The following ACAD10 variants were observed in gnomAD, a reference collection of about 807,000 sequenced individuals.
The protein encoded by ACAD10 is ACAD-10.
A neutral mutation model predicts 116.8 loss-of-function variants in ACAD10; 112 were observed. The ratio of observed to expected loss-of-function variants is 0.96; its 90% CI spans 0.82 to 1.12. The LOEUF (loss-of-function observed/expected upper bound fraction) is 1.12. Among genes scored for constraint, ACAD10 ranks in the 50% most tolerant of loss-of-function variants. The pLI is 0.00. For synonymous variants in ACAD10, 486 were observed against 510.6 expected, an observed-to-expected ratio of 0.95 and a Z score of 0.65; for missense variants, 1,259 against 1,350.2, an observed-to-expected ratio of 0.93 and a Z score of 1.06.
At chr12:111,745,107 G>T in intron 13 of ACAD10, 64 bp downstream of exon 13, 1 of 1,521,106 alleles carries the variant, frequency 6.6e-7, no homozygotes. Context: ...CGACCCCACC[G>T]GGCTCACCTG....
intron 13 of ACAD10, 31 bp downstream of exon 13, chr12:111,745,074 C>A: frequency 6.3e-7 from 1 of 1,592,932 alleles, no homozygotes; most frequent in South Asian, 1.1e-5. Context: ...TGGTAAGACC[C>A]CAATACCATG....
At chr12:111,709,255 G>A (rs1173636625) in intron 4 of ACAD10, among the ~76,000 whole-genome samples, 13 of 152,048 alleles carry the variant, frequency 8.5e-5, no homozygotes, top group Non-Finnish European at 1.5e-5. Context: ...TGGCACTGAG[G>A]CCCATTATGG....
intron 3 of ACAD10, 64 bp from the exon 4 acceptor site, chr12:111,705,674 G>C (rs1404409148): frequency 6.0e-5 from 86 of 1,435,294 alleles, no homozygotes; most frequent in Non-Finnish European, 7.7e-5. Context: ...TTTTTTTTCT[G>C]TTGGCCATGA....
chr12:111,692,376 G>A (rs1227164104), intron 1 of ACAD10, among the ~76,000 whole-genome samples: 3 of 152,222 alleles, frequency 2.0e-5, no homozygotes, highest in Non-Finnish European at 1.5e-5. Flanking sequence ...CAAGATGGTG[G>A]CAGTGAGAAT....
At chr12:111,737,066 C>T in intron 12 of ACAD10, 62 bp downstream of exon 12, 3 of 1,547,880 alleles carry the variant, frequency 1.9e-6, no homozygotes, top group Non-Finnish European at 1.8e-6. Context: ...ACCGTGCCTC[C>T]ACCTGGAAAC....
At chr12:111,693,412 C>T (rs902908340) in intron 2 of ACAD10, among the ~76,000 whole-genome samples, 3 of 152,106 alleles carry the variant, frequency 2.0e-5, no homozygotes, top group African/African-American at 4.8e-5. Flanking sequence ...ATGACAGGCA[C>T]CTGTAGTTCT....
chr12:111,735,209 G>A (rs1889512707), intron 11 of ACAD10, among the ~76,000 whole-genome samples: 1 of 147,656 alleles, frequency 6.8e-6, no homozygotes, highest in Non-Finnish European at 1.5e-5. Flanking sequence ...AGGCAACAGA[G>A]CAAGACTCCA....
At chr12:111,695,494 G>A (rs1406324655) in intron 2 of ACAD10, among the ~76,000 whole-genome samples, 4 of 152,110 alleles carry the variant, frequency 2.6e-5, no homozygotes, top group Non-Finnish European at 4.4e-5. Context: ...AGTGGGATAT[G>A]TTCATGTCTC....
At chr12:111,739,485 G>C (rs1206894530) in intron 12 of ACAD10, among the ~76,000 whole-genome samples, 7 of 152,202 alleles carry the variant, frequency 4.6e-5, no homozygotes, top group African/African-American at 1.7e-4. Context: ...GGCTGGGCGT[G>C]GTGGCTCACG....
At chr12:111,735,618 G>A (rs913795589) in intron 11 of ACAD10, among the ~76,000 whole-genome samples, 1 of 151,808 alleles carries the variant, frequency 6.6e-6, no homozygotes, top group Non-Finnish European at 1.5e-5. Context: ...ACCACGCCCG[G>A]CTAAATTTTT....
chr12:111,739,771 G>A (rs746338866), intron 12 of ACAD10, among the ~76,000 whole-genome samples: 2 of 151,746 alleles, frequency 1.3e-5, no homozygotes, highest in Admixed American at 1.3e-4. Flanking sequence ...AAAAAAAGGT[G>A]GGGGGAGCGG....
At chr12:111,753,663 C>G (rs142858418) in intron 18 of ACAD10, 109 bp from the exon 19 acceptor site, 4 of 1,454,502 alleles carry the variant, frequency 2.8e-6, no homozygotes, top group Non-Finnish European at 3.8e-6. Context: ...CTCTCCTCCC[C>G]TGCCCTGTCC....
intron 12 of ACAD10, among the ~76,000 whole-genome samples, chr12:111,743,637 A>G (rs1277083954): frequency 6.7e-6 from 1 of 150,312 alleles, no homozygotes; most frequent in Non-Finnish European, 1.5e-5. Flanking sequence ...GCCTGGCCGA[A>G]GTATTCTGTA....
intron 1 of ACAD10, among the ~76,000 whole-genome samples, chr12:111,690,114 A>G (rs931757283): frequency 1.3e-5 from 2 of 152,172 alleles, no homozygotes; most frequent in Non-Finnish European, 2.9e-5. Context: ...TATATTCAAG[A>G]TTTACCACTT....
chr12:111,701,383 C>T (rs1417926582), intron 2 of ACAD10, among the ~76,000 whole-genome samples: 6 of 149,666 alleles, frequency 4.0e-5, no homozygotes, highest in African/African-American at 1.5e-4. Flanking sequence ...TGGCCAGGCA[C>T]AGTGGCTCAC....
chr12:111,725,695 C>T lies in ACAD10; in HGVS notation c.1062-2267C>T, dbSNP rs547317587. ...GATTATAGGCATGTGCCACCACACC[C>T]GGCTAATTTTTGTATTTTTAATGGA... On this transcript the variant is annotated intron_variant, in intron 8 of 20. Coordinates refer to ENST00000313698, the MANE Select transcript of ACAD10 (RefSeq NM_025247.6). Among the ~76,000 whole-genome samples the T allele has an allele frequency of 5.3e-5, 8 of 152,016 alleles. No individual in the cohort carries two copies. In the South Asian group the frequency reaches 8.3e-4, roughly 16 times the overall value.
chr12:111,728,248 G>A (rs1474943625), intron 9 of ACAD10, 105 bp downstream of exon 9: 8 of 1,144,742 alleles, frequency 7.0e-6, no homozygotes, highest in Admixed American at 2.7e-5. Context: ...CACACCAAGC[G>A]TAAGGCAGAC....
intron 7 of ACAD10, among the ~76,000 whole-genome samples, chr12:111,720,302 G>A (rs1888979991): frequency 6.6e-6 from 1 of 152,184 alleles, no homozygotes; most frequent in African/African-American, 2.4e-5. Flanking sequence ...ATGTCCATCA[G>A]ATCAAGTTGG....
chr12:111,728,270 C>T (rs963702648), intron 9 of ACAD10, 127 bp downstream of exon 9: 5 of 930,772 alleles, frequency 5.4e-6, no homozygotes, highest in African/African-American at 3.3e-5. Flanking sequence ...TAGCTTCTTC[C>T]TTGGAAATCC....
Sources: gnomAD v4.1 joint callset for allele counts (sites outside exome capture counted in the v4.1 genomes callset) on GRCh38, gnomAD v4.1.1 for gene constraint, MANE v1.5 for transcripts, NCBI Gene and HGNC (gene_info 2026-07-23, HGNC 2026-07-21) for gene names.